CRIM1: variants seen among roughly 807,000 people sequenced by gnomAD.
CRIM1 encodes cysteine rich transmembrane BMP regulator 1, also known as cysteine-rich motor neuron 1 protein.
Under a neutral mutation model 116.4 loss-of-function variants are expected in CRIM1, and 32 were observed. The ratio of observed to expected loss-of-function variants is 0.27; its 90% CI spans 0.21 to 0.37. The LOEUF is 0.37. Ranked by LOEUF, CRIM1 falls within the 10% of genes least tolerant of loss-of-function variation. The pLI, the probability that CRIM1 is intolerant of heterozygous loss-of-function variation, is 1.00. For synonymous variants in CRIM1, 590 were observed against 509.2 expected (o/e 1.16, Z -2.13); for missense variants, 1,331 against 1,354.8 (o/e 0.98, Z 0.28).
At chr2:36,457,078 C>G (rs1276352036) in intron 4 of CRIM1, among the ~76,000 whole-genome samples, 2 of 152,142 alleles carry the variant, frequency 1.3e-5, no homozygotes, top group Non-Finnish European at 2.9e-5. Flanking sequence ...AAGAGAAGAG[C>G]TTAATGGCTG....
At chr2:36,517,218 G>T in intron 11 of CRIM1, 109 bp from the exon 12 acceptor site, 1 of 786,744 alleles carries the variant, frequency 1.3e-6, no homozygotes. Flanking sequence ...AGAGCGAGAT[G>T]CTCTTCACAG....
At chr2:36,496,437 CCT>C (rs1405261039) in intron 7 of CRIM1, among the ~76,000 whole-genome samples, 9 of 152,142 alleles carry the variant, frequency 5.9e-5, no homozygotes, top group African/African-American at 2.2e-4. Context: ...GCTGTACTTC[CCT>C]GTTTCTTTCA....
At position 36,521,511 on chromosome 2, in the gene CRIM1, A is replaced by G. The variant is rs77761130; in HGVS notation, c.2207-581A>G. Among the ~76,000 whole-genome samples, 838 of 152,312 alleles carry G rather than the reference A, an allele frequency of 5.5e-3. 10 individuals carry two copies. The highest frequency in any genetic ancestry group is 0.019 in the African/African-American group (799 of 41,574). ...TTTACATATATGACAAGACATTTGG[A>G]GGCAGATGTTTATCAGCATTGATTC... On this transcript the variant is annotated intron_variant, in intron 12 of 16. Coordinates refer to ENST00000280527, the MANE Select transcript of CRIM1 (RefSeq NM_016441.3).
intron 7 of CRIM1, among the ~76,000 whole-genome samples, chr2:36,486,052 T>A (rs1377028460): frequency 6.6e-6 from 1 of 152,214 alleles, no homozygotes; most frequent in Non-Finnish European, 1.5e-5. Flanking sequence ...TGTTGAATAT[T>A]GTCATATTTT....
intron 13 of CRIM1, among the ~76,000 whole-genome samples, chr2:36,530,634 T>C (rs554343767): frequency 3.3e-5 from 5 of 152,308 alleles, no homozygotes; most frequent in African/African-American, 1.2e-4. Context: ...ACTTCCCCTA[T>C]TCTTGCCCAG....
intron 6 of CRIM1, among the ~76,000 whole-genome samples, chr2:36,477,940 G>C (rs1177865025): frequency 6.6e-6 from 1 of 152,118 alleles, no homozygotes; most frequent in Non-Finnish European, 1.5e-5. Flanking sequence ...ACACAACACT[G>C]TTTCCCCAGA....
chr2:36,381,595 C>T (rs1670779644), intron 1 of CRIM1, among the ~76,000 whole-genome samples: 1 of 152,188 alleles, frequency 6.6e-6, no homozygotes, highest in Non-Finnish European at 1.5e-5. Context: ...ACTTTAGAAA[C>T]CAAGTATATT....
At chr2:36,427,612 A>C (rs1674557906) in intron 2 of CRIM1, among the ~76,000 whole-genome samples, 1 of 152,226 alleles carries the variant, frequency 6.6e-6, no homozygotes, top group Non-Finnish European at 1.5e-5. Flanking sequence ...CTCTGGTGGA[A>C]GAGCTTCTAC....
intron 1 of CRIM1, among the ~76,000 whole-genome samples, chr2:36,383,869 A>G (rs1670971692): frequency 6.6e-6 from 1 of 152,214 alleles, no homozygotes; most frequent in African/African-American, 2.4e-5. Flanking sequence ...CATGCATAGT[A>G]TACTCAGGGA....
At chr2:36,365,738 T>TTG (rs1289197230) in intron 1 of CRIM1, among the ~76,000 whole-genome samples, 1 of 148,654 alleles carries the variant, frequency 6.7e-6, no homozygotes. Context: ...ATGTTTGTGT[T>TTG]TTTTTTTTTT....
intron 8 of CRIM1, among the ~76,000 whole-genome samples, chr2:36,503,643 C>T (rs848530): frequency 2.0e-5 from 3 of 151,582 alleles, no homozygotes; most frequent in Non-Finnish European, 2.9e-5. Context: ...TTGTAACCCT[C>T]AAATATTATC....
chr2:36,449,583 T>C (rs1366384092), intron 4 of CRIM1, among the ~76,000 whole-genome samples: 1 of 152,164 alleles, frequency 6.6e-6, no homozygotes, highest in Non-Finnish European at 1.5e-5. Flanking sequence ...GCTCTCACAT[T>C]GTCTGGCTCG....
intron 4 of CRIM1, among the ~76,000 whole-genome samples, chr2:36,446,962 A>C (rs1676293373): frequency 6.6e-6 from 1 of 152,246 alleles, no homozygotes; most frequent in African/African-American, 2.4e-5. Flanking sequence ...TAAAAGACAG[A>C]TACATTAATG....
At position 36,547,000 on chromosome 2, in the gene CRIM1, G is replaced by C. The variant is rs1572980498; in HGVS notation, c.2763G>C (p.Gln921His). Residue 921 changes from glutamine (Q) to histidine (H), a missense_variant, in exon 16 of 17, where the codon CAG becomes CAC. By Grantham distance (24) the Gln-to-His change is conservative (BLOSUM62 0). Around this residue, in one of 3 missense-constraint regions of CRIM1, gnomAD observed 283 missense variants for 242.8 expected, o/e 1.17. Transcript: ENST00000280527. ...TTCTCCTAGATATGGGTCACCTCCA[G>C]GTAGATTACAGAGATAACAGGCTGC... is the stretch of plus-strand genomic sequence containing the variant. Reference protein sequence around the residue: ...VHLPRDMGHLQVDYRDNRLHP... With the variant: ...VHLPRDMGHLHVDYRDNRLHP... 1.9e-6 allele frequency: 3 copies of C among 1,607,062 alleles called. No individual in the cohort carries two copies. The highest frequency in any genetic ancestry group is 2.6e-6 in the Non-Finnish European group (3 of 1,175,760).
chr2:36,436,710 A>G (rs1259502614), intron 2 of CRIM1, among the ~76,000 whole-genome samples: 1 of 152,212 alleles, frequency 6.6e-6, no homozygotes, highest in African/African-American at 2.4e-5. Context: ...CCACACATAC[A>G]TACACACACG....
intron 8 of CRIM1, 168 bp downstream of exon 8, chr2:36,499,515 G>A: frequency 1.6e-6 from 1 of 623,400 alleles, no homozygotes; most frequent in Non-Finnish European, 2.7e-6. Flanking sequence ...AGTCATTTGG[G>A]AGAAAGGAGC....
chr2:36,365,478 T>C (rs1198795425), intron 1 of CRIM1, among the ~76,000 whole-genome samples: 2 of 152,146 alleles, frequency 1.3e-5, no homozygotes, highest in African/African-American at 2.4e-5. Context: ...CACTGCGGGC[T>C]TGGGAATGAG....
intron 2 of CRIM1, among the ~76,000 whole-genome samples, chr2:36,433,571 T>A (rs1016325687): frequency 6.6e-6 from 1 of 152,164 alleles, no homozygotes; most frequent in Non-Finnish European, 1.5e-5. Flanking sequence ...TCAGGCCCAA[T>A]TGCACAATAG....
chr2:36,508,601 C>T (rs927067839), intron 8 of CRIM1, among the ~76,000 whole-genome samples: 2 of 152,136 alleles, frequency 1.3e-5, no homozygotes, highest in African/African-American at 4.8e-5. Flanking sequence ...TGTACTTTGG[C>T]CATCACCATA....
Sources: allele counts gnomAD v4.1 joint callset (sites outside exome capture counted in the v4.1 genomes callset), GRCh38; gene constraint gnomAD v4.1.1; regional missense constraint gnomAD v4.1.1; transcripts MANE v1.5; gene names NCBI Gene and HGNC (gene_info 2026-07-23, HGNC 2026-07-21).